SLC24A2: variants seen among roughly 807,000 people sequenced by gnomAD.
SLC24A2 encodes the protein sodium/potassium/calcium exchanger 2.
A neutral mutation model predicts 62.0 loss-of-function variants in SLC24A2; 36 were observed. The ratio of observed to expected loss-of-function variants is 0.58; its 90% CI spans 0.44 to 0.77. The LOEUF (loss-of-function observed/expected upper bound fraction) is 0.77. Ranked by LOEUF, SLC24A2 falls within the 30% of genes least tolerant of loss-of-function variation. The pLI is 0.00. For missense variants in SLC24A2, 846 were observed against 817.9 expected (o/e 1.03, Z -0.42); for synonymous variants, 358 against 294.0 (o/e 1.22, Z -2.23).
chr9:19,851,996 T>C, the SLC24A2 span, among the ~76,000 whole-genome samples: 2 of 152,128 alleles, frequency 1.3e-5, no homozygotes, highest in African/African-American at 2.4e-5. Flanking sequence ...GCATCTGTGG[T>C]TTCTTGACTT....
chr9:20,008,466 C>T, the SLC24A2 span, among the ~76,000 whole-genome samples: 1 of 152,114 alleles, frequency 6.6e-6, no homozygotes, highest in Non-Finnish European at 1.5e-5. Context: ...TGAAGGATAA[C>T]TGTATCTACA....
chr9:19,533,978 C>A (rs1315549917), intron 8 of SLC24A2, among the ~76,000 whole-genome samples: 1 of 149,386 alleles, frequency 6.7e-6, no homozygotes, highest in Non-Finnish European at 1.5e-5. Flanking sequence ...CCTGGGTAAT[C>A]TGGGATGTAG....
chr9:19,962,771 G>T, the SLC24A2 span, among the ~76,000 whole-genome samples: 1 of 152,078 alleles, frequency 6.6e-6, no homozygotes, highest in Admixed American at 6.6e-5. Context: ...GAGACTATGG[G>T]GTTTTCTAGA....
chr9:19,777,447 T>A (rs1214837954), intron 2 of SLC24A2, among the ~76,000 whole-genome samples: 2 of 152,194 alleles, frequency 1.3e-5, no homozygotes, highest in African/African-American at 4.8e-5. Flanking sequence ...AATCAGAAAT[T>A]CATGTGTAAA....
chr9:19,509,995 C>T lies in SLC24A2; in HGVS notation c.*6158G>A, dbSNP rs1001102600. 2 of 152,090 alleles carry T rather than the reference C, an allele frequency of 1.3e-5. No individual in the cohort carries two copies. The highest frequency in any genetic ancestry group is 2.9e-5 in the Non-Finnish European group (2 of 68,020). The allele number at this position is 152,090 out of a possible 1,614,324, so 9.4% of individuals were successfully genotyped here. On this transcript the variant is annotated 3_prime_UTR_variant, in exon 11 of 11. Coordinates refer to ENST00000341998, the MANE Select transcript of SLC24A2 (RefSeq NM_020344.4). Reference sequence around the variant, plus strand: ...AATAAGTGGAGATCCAATCATTTATCCCAGTTTCATATTTAAAATAAAAAT... The same window carrying T: ...AATAAGTGGAGATCCAATCATTTATTCCAGTTTCATATTTAAAATAAAAAT...
the SLC24A2 span, among the ~76,000 whole-genome samples, chr9:19,983,737 C>T: frequency 6.6e-6 from 1 of 151,922 alleles, no homozygotes; most frequent in Non-Finnish European, 1.5e-5. Flanking sequence ...CAATTGCATG[C>T]AATTGAATAT....
the SLC24A2 span, among the ~76,000 whole-genome samples, chr9:19,820,042 C>CATATATATAT: frequency 1.2e-4 from 4 of 32,860 alleles, no homozygotes; most frequent in African/African-American, 2.8e-4. Flanking sequence ...TATATATATA[C>CATATATATAT]ATATATATAT....
At chr9:20,010,712 A>AAC in the SLC24A2 span, among the ~76,000 whole-genome samples, 1 of 151,316 alleles carries the variant, frequency 6.6e-6, no homozygotes, top group Non-Finnish European at 1.5e-5. Flanking sequence ...TGCACGCGTT[A>AAC]ACTCGTCATT....
the SLC24A2 span, among the ~76,000 whole-genome samples, chr9:19,948,553 CTG>C: frequency 6.6e-6 from 1 of 152,194 alleles, no homozygotes; most frequent in Non-Finnish European, 1.5e-5. Flanking sequence ...AATAGATTGA[CTG>C]TTAAGAAAAC....
chr9:19,607,718 C>CAAAAAA (rs769291086), intron 4 of SLC24A2, among the ~76,000 whole-genome samples: 4 of 67,230 alleles, frequency 5.9e-5, no homozygotes, highest in Non-Finnish European at 6.1e-5. Flanking sequence ...GACTCTGTCT[C>CAAAAAA]AAAAAAAAAA....
At chr9:20,200,395 T>C in the SLC24A2 span, among the ~76,000 whole-genome samples, 1 of 152,192 alleles carries the variant, frequency 6.6e-6, no homozygotes, top group Non-Finnish European at 1.5e-5. Context: ...CCTATACTGA[T>C]GGCCAGCAGT....
rs192598791 is a variant in SLC24A2, at chr9:19,658,610, C to T, written c.931-36311G>A. On this transcript the variant is annotated intron_variant, in intron 2 of 10. Coordinates refer to ENST00000341998, the MANE Select transcript of SLC24A2 (RefSeq NM_020344.4). Reference sequence around the variant, plus strand: ...TAGGTTAATTGTTCTCTGTTTGCCCCTCCATATCAAATCTTCACTCTCTTC... The same window carrying T: ...TAGGTTAATTGTTCTCTGTTTGCCCTTCCATATCAAATCTTCACTCTCTTC... Among the ~76,000 whole-genome samples, 280 of 152,316 alleles carry T rather than the reference C, an allele frequency of 1.8e-3. 5 individuals are homozygous for T. The highest frequency in any genetic ancestry group is 0.016 in the Admixed American group (251 of 15,302).
chr9:19,656,487 A>G (rs1818946411), intron 2 of SLC24A2, among the ~76,000 whole-genome samples: 2 of 152,078 alleles, frequency 1.3e-5, no homozygotes, highest in African/African-American at 4.8e-5. Flanking sequence ...TTCTTTATTC[A>G]TTCAACTCTC....
intron 2 of SLC24A2, among the ~76,000 whole-genome samples, chr9:19,702,481 C>T (rs963281309): frequency 5.9e-5 from 9 of 152,232 alleles, no homozygotes; most frequent in South Asian, 4.2e-4. Context: ...TGACTTGTCG[C>T]ATAACAGAAA....
At chr9:19,957,073 T>C in the SLC24A2 span, among the ~76,000 whole-genome samples, 14 of 152,204 alleles carry the variant, frequency 9.2e-5, no homozygotes, top group Non-Finnish European at 1.9e-4. Flanking sequence ...TAAGACAACA[T>C]CATTTACCTA....
At chr9:20,147,890 A>G in the SLC24A2 span, among the ~76,000 whole-genome samples, 8 of 152,274 alleles carry the variant, frequency 5.3e-5, no homozygotes, top group South Asian at 2.1e-4. Flanking sequence ...AATGTCGATA[A>G]TAACACTTGC....
the SLC24A2 span, among the ~76,000 whole-genome samples, chr9:19,968,991 T>A: frequency 6.6e-6 from 1 of 151,984 alleles, no homozygotes; most frequent in African/African-American, 2.4e-5. Context: ...TAATAAAAGG[T>A]TTACAGTGGC....
At chr9:20,151,202 C>T in the SLC24A2 span, among the ~76,000 whole-genome samples, 1 of 151,944 alleles carries the variant, frequency 6.6e-6, no homozygotes, top group Non-Finnish European at 1.5e-5. Flanking sequence ...ATGGGCCTTC[C>T]CCTCTTCCCA....
intron 7 of SLC24A2, among the ~76,000 whole-genome samples, chr9:19,553,131 G>T (rs1418734126): frequency 6.6e-6 from 1 of 152,184 alleles, no homozygotes; most frequent in Non-Finnish European, 1.5e-5. Flanking sequence ...CATACATTAG[G>T]TGAAATTATC....
Sources: gnomAD v4.1 joint callset for allele counts (sites outside exome capture counted in the v4.1 genomes callset) on GRCh38, gnomAD v4.1.1 for gene constraint, MANE v1.5 for transcripts, NCBI Gene and HGNC (gene_info 2026-07-23, HGNC 2026-07-21) for gene names.